The following CYFIP1 variants were observed in gnomAD, a reference collection of about 807,000 sequenced individuals.
CYFIP1 encodes cytoplasmic FMR1 interacting protein 1.
CYFIP1 carries 58 observed loss-of-function variants against 163.5 expected under a neutral mutation model. The ratio of observed to expected loss-of-function variants is 0.35; its 90% confidence interval spans 0.29 to 0.44. The LOEUF is 0.44. Ranked by LOEUF, CYFIP1 falls within the 20% of genes least tolerant of loss-of-function variation. CYFIP1 has a pLI of 1.00. For synonymous variants in CYFIP1, 663 were observed against 660.7 expected, an observed-to-expected ratio of 1.00 and a Z score of -0.05; for missense variants, 1,338 against 1,653.8, an observed-to-expected ratio of 0.81 and a Z score of 3.31.
In CYFIP1 at chr15:22,929,551, G is replaced by C. The variant is rs932070628; in HGVS notation, c.1111-1523C>G. ...GGAGGCTGAGGCAGGAGAATTGCTT[G>C]AATCCGGGAGGTGGAAGTTGCAATG... On this transcript the variant is annotated intron_variant, in intron 11 of 30. Coordinates refer to ENST00000617928, the MANE Select transcript of CYFIP1 (RefSeq NM_014608.6). 1.5e-4 allele frequency among the ~76,000 whole-genome samples: 21 copies of C among 140,620 alleles called. 1 individual carries two copies. Among genetic ancestry groups the C allele is most frequent in the Non-Finnish European group, 3.0e-4 (20 of 66,320 alleles). The allele number at this position is 140,620 out of a possible 152,430, so 92.3% of individuals were successfully genotyped here. A position where few individuals can be genotyped will look rare whatever the true frequency, so the allele number is the denominator to read the frequency against.
Position 22,884,718 on chromosome 15 carries a change from T to C in CYFIP1, c.2677-1707A>G, listed in dbSNP as rs375058584. On this transcript the variant is annotated intron_variant, in intron 23 of 30. Coordinates refer to ENST00000617928, the MANE Select transcript of CYFIP1 (RefSeq NM_014608.6). ...CTGTGTGTGGGGCTCCAACCCCCCA[T>C]TTCCCTTCCTCACTGCCCTAGCAGA... 9.5e-4 allele frequency among the ~76,000 whole-genome samples: 145 copies of C among 152,272 alleles called. 1 individual carries two copies. The highest frequency in any genetic ancestry group is 3.3e-3 in the African/African-American group (139 of 41,564).
chr15:22,949,533 A>C (rs776443784), intron 1 of CYFIP1, among the ~76,000 whole-genome samples: 1 of 152,222 alleles, frequency 6.6e-6, no homozygotes, highest in African/African-American at 2.4e-5. Flanking sequence ...CGCAGGACAC[A>C]CAACGACCCC....
In CYFIP1 at chr15:22,882,981, C is replaced by T. The variant is rs139635799; in HGVS notation, c.2707G>A (p.Gly903Ser). Reference protein sequence around the residue: ...ALNLAYSSIYGSYRNFVGPPH... With the variant: ...ALNLAYSSIYSSYRNFVGPPH... ...GGTCCCACGAAGTTCCGGTAGCTGCCGTAAATGCTGGAGTAGGCCAAGTTC... is the reference window on the plus strand; with the variant it reads ...GGTCCCACGAAGTTCCGGTAGCTGCTGTAAATGCTGGAGTAGGCCAAGTTC... The change falls in exon 24 of 31, where the codon GGC becomes AGC. Residue 903 changes from glycine to serine, a missense_variant. Physicochemically the swap from Gly to Ser is moderately conservative, Grantham distance 56. Around this residue, in one of 4 missense-constraint regions of CYFIP1, gnomAD observed 824 missense variants for 995.7 expected, o/e 0.83. Transcript: ENST00000617928. The T allele has an allele frequency of 8.0e-3, 12,851 of 1,613,910 alleles. 116 individuals carry two copies. The highest frequency in any genetic ancestry group is 0.024 in the South Asian group (2,160 of 91,054).
At chr15:22,880,518 C>T (rs954241385) in intron 25 of CYFIP1, among the ~76,000 whole-genome samples, 4 of 152,170 alleles carry the variant, frequency 2.6e-5, no homozygotes, top group African/African-American at 9.7e-5. Flanking sequence ...GCAAGGCAGG[C>T]GTCTCAACGG....
chr15:22,948,099 A>AT, intron 1 of CYFIP1: 1 of 544,200 alleles, frequency 1.8e-6, no homozygotes, highest in Non-Finnish European at 2.3e-6. Flanking sequence ...TCCCTCCTCC[A>AT]GCACTGGCGC....
chr15:22,947,259 G>A lies in CYFIP1; in HGVS notation c.27C>T (p.Asp9=), dbSNP rs138799074. The A allele has an allele frequency of 5.9e-5, 96 of 1,613,800 alleles. No individual in the cohort carries two copies. The South Asian group carries it at 6.1e-4, about 10-fold the overall frequency. Residue 9 remains aspartate, a synonymous_variant, in exon 2 of 31, where the codon GAC becomes GAT. Transcript: ENST00000617928. ...CCAGGAGGTCCACGTTGGACAGCGC[G>A]TCCTCCAGAGTCACCTGGGCCGCCA... is the stretch of plus-strand genomic sequence containing the variant. MAAQVTLE[D]ALSNVDLLEE...
Position 22,916,458 on chromosome 15 carries a change from GCTCAGCAGTAT to G in CYFIP1, c.1828+8_1828+18del. The G allele has an allele frequency of 6.4e-7, 1 of 1,561,738 alleles. No homozygotes were observed. The highest frequency in any genetic ancestry group is 8.8e-7 in the Non-Finnish European group (1 of 1,135,810). On this transcript the variant is annotated splice_region_variant and intron_variant, in intron 16 of 30. Transcript: ENST00000617928. ...GTTAGGACATGCCAGGCCGGATGCT[GCTCAGCAGTAT>G]CTCTTACCACTGAAATTTATCAAGT...
chr15:22,918,977 C>T (rs1011233633), intron 13 of CYFIP1, 119 bp from the exon 14 acceptor site: 18 of 770,442 alleles, frequency 2.3e-5, no homozygotes, highest in Admixed American at 5.3e-5. Flanking sequence ...CTCCCGCGTT[C>T]GTGCCCTGCA....
rs1438240335 is a variant in CYFIP1 at position 22,869,176 on chromosome 15, C to G, written c.*852G>C. On this transcript the variant is annotated 3_prime_UTR_variant, in exon 31 of 31. Transcript: ENST00000617928. Reference sequence around the variant, plus strand: ...GCCTGACTGATCTCCTCCCACATTGCTGGCTTCCTCCAGGTCATGGGCACA... The same window carrying G: ...GCCTGACTGATCTCCTCCCACATTGGTGGCTTCCTCCAGGTCATGGGCACA... 6.6e-6 allele frequency: 1 copy of G among 152,338 alleles called. No individual in the cohort carries two copies. Among genetic ancestry groups the G allele is most frequent in the African/African-American group, 2.4e-5 (1 of 41,450 alleles). The allele number at this position is 152,338 out of a possible 1,614,324, so 9.4% of individuals were successfully genotyped here. A position where few individuals can be genotyped will look rare whatever the true frequency, so the allele number is the denominator to read the frequency against.
chr15:22,965,121 G>A (rs1461863719), intron 1 of CYFIP1, among the ~76,000 whole-genome samples: 1 of 151,770 alleles, frequency 6.6e-6, no homozygotes, highest in East Asian at 1.9e-4. Context: ...AAAAGTGCTA[G>A]ATTTTACGTA....
chr15:22,876,100 G>A (rs943844489), intron 26 of CYFIP1, among the ~76,000 whole-genome samples: 10 of 151,580 alleles, frequency 6.6e-5, no homozygotes, highest in Admixed American at 1.3e-4. Context: ...CAGTGCCTCC[G>A]ACCCCACAGC....
At position 22,867,446 on chromosome 15, in the gene CYFIP1, C is replaced by T. The variant is rs988748643; in HGVS notation, c.*2582G>A. On this transcript the variant is annotated 3_prime_UTR_variant, in exon 31 of 31. Coordinates refer to ENST00000617928, the MANE Select transcript of CYFIP1 (RefSeq NM_014608.6). ...CGATTTCTCAGGTTGAGATGATCAC[C>T]GTGAATCCGGCTTCCTCTGAGCATT... 3.1e-5 allele frequency: 11 copies of T among 353,488 alleles called. No individual in the cohort carries two copies. The highest frequency in any genetic ancestry group is 8.4e-5 in the African/African-American group (4 of 47,618). 21.9% of individuals were successfully genotyped at this position (353,488 alleles called of 1,614,324 possible).
intron 1 of CYFIP1, among the ~76,000 whole-genome samples, chr15:22,974,002 C>G (rs892639215): frequency 6.6e-6 from 1 of 152,126 alleles, no homozygotes; most frequent in Non-Finnish European, 1.5e-5. Context: ...CAGACTGGCT[C>G]TTGTCAAAAA....
chr15:22,881,929 C>T lies in CYFIP1; in HGVS notation c.2828G>A (p.Gly943Asp). 1.2e-6 allele frequency: 2 copies of T among 1,611,966 alleles called. No individual in the cohort carries two copies. The highest frequency in any genetic ancestry group is 1.1e-5 in the South Asian group (1 of 91,060). The change falls in exon 25 of 31, where the codon GGC becomes GAC. Residue 943 changes from glycine (G) to aspartate (D), a missense_variant. Transcript: ENST00000617928. Reference sequence around the variant, plus strand: ...CGTCTTCACGTACTGCAGGATTGTGCCTTGCAGCTGCCGGGGAGATGAGAC... The same window carrying T: ...CGTCTTCACGTACTGCAGGATTGTGTCTTGCAGCTGCCGGGGAGATGAGAC... The part of the protein sequence containing the change: ...LLKVVKSLLQ[G>D]TILQYVKTLM...
At chr15:22,926,981 T>G (rs369824463) in intron 12 of CYFIP1, among the ~76,000 whole-genome samples, 1 of 152,184 alleles carries the variant, frequency 6.6e-6, no homozygotes, top group Non-Finnish European at 1.5e-5. Flanking sequence ...ATCCTGAAAC[T>G]ATGTACCCCT....
intron 28 of CYFIP1, 84 bp from the exon 29 acceptor site, chr15:22,873,813 A>T (rs1055498740): frequency 1.6e-6 from 2 of 1,246,652 alleles, no homozygotes; most frequent in Non-Finnish European, 2.3e-6. Flanking sequence ...TTCTCTTGAG[A>T]CAGGGTCTTG....
intron 1 of CYFIP1, among the ~76,000 whole-genome samples, chr15:22,952,127 C>T (rs768931828): frequency 3.9e-5 from 6 of 152,036 alleles, no homozygotes; most frequent in Non-Finnish European, 7.4e-5. Context: ...TGAAATACGC[C>T]AGTCACAAAA....
intron 21 of CYFIP1, 86 bp from the exon 22 acceptor site, chr15:22,903,991 C>T (rs538498313): frequency 7.8e-7 from 1 of 1,284,404 alleles, no homozygotes; most frequent in Admixed American, 1.9e-5. Flanking sequence ...ACCCAGGCCT[C>T]ACAGTCCCTG....
chr15:22,902,874 C>T (rs1274113192), intron 22 of CYFIP1, among the ~76,000 whole-genome samples: 2 of 152,302 alleles, frequency 1.3e-5, no homozygotes, highest in Non-Finnish European at 2.9e-5. Flanking sequence ...GGGGCAGCTG[C>T]GCCTCTCCTC....
Sources: allele counts gnomAD v4.1 joint callset (sites outside exome capture counted in the v4.1 genomes callset), GRCh38; gene constraint gnomAD v4.1.1; regional missense constraint gnomAD v4.1.1; transcripts MANE v1.5; gene names NCBI Gene and HGNC (gene_info 2026-07-23, HGNC 2026-07-21).